Variants in SEC14L5 observed in about 807,000 individuals in gnomAD.
SEC14L5 encodes the protein SEC14 like lipid binding 5.
A neutral mutation model predicts 84.6 loss-of-function variants in SEC14L5; 96 were observed. The ratio of observed to expected loss-of-function variants is 1.13; its 90% CI spans 0.96 to 1.34. The LOEUF (loss-of-function observed/expected upper bound fraction) is 1.34. Among genes scored for constraint, SEC14L5 ranks in the 40% most tolerant of loss-of-function variants. The probability of loss-of-function intolerance (pLI) is 0.00; values close to 1 mark genes in which losing one functional copy is unlikely to be tolerated. For synonymous variants in SEC14L5, 546 were observed against 383.4 expected (o/e 1.42, Z -4.95); for missense variants, 1,224 against 942.5 (o/e 1.30, Z -3.91).
intron 2 of SEC14L5, among the ~76,000 whole-genome samples, chr16:4,972,067 G>T (rs1013020064): frequency 1.3e-5 from 2 of 151,480 alleles, no homozygotes; most frequent in African/African-American, 4.9e-5. Context: ...GTGCAGTGGT[G>T]CAATTATAGC....
intron 7 of SEC14L5, 25 bp from the exon 8 acceptor site, chr16:4,996,830 G>A: frequency 1.3e-6 from 2 of 1,591,492 alleles, no homozygotes; most frequent in Non-Finnish European, 1.7e-6. Context: ...CCGTTCTGTG[G>A]GCTTTTTACT....
intron 6 of SEC14L5, among the ~76,000 whole-genome samples, chr16:4,993,731 A>G (rs774957599): frequency 1.3e-5 from 2 of 152,210 alleles, no homozygotes; most frequent in Non-Finnish European, 2.9e-5. Context: ...GTTTACATGC[A>G]AGTAAAATTT....
At chr16:4,969,456 G>T (rs561233359) in intron 2 of SEC14L5, among the ~76,000 whole-genome samples, 16 of 151,410 alleles carry the variant, frequency 1.1e-4, no homozygotes, top group African/African-American at 3.6e-4. Context: ...GCCATCTCGC[G>T]CATGGCAACC....
intron 8 of SEC14L5, among the ~76,000 whole-genome samples, chr16:4,998,981 C>A (rs1198826345): frequency 1.3e-5 from 2 of 152,156 alleles, no homozygotes; most frequent in African/African-American, 4.8e-5. Context: ...ATTGGAGTCG[C>A]CCATCACGCA....
intron 2 of SEC14L5, among the ~76,000 whole-genome samples, chr16:4,973,877 T>A (rs938312675): frequency 2.6e-5 from 4 of 151,766 alleles, no homozygotes; most frequent in African/African-American, 9.7e-5. Flanking sequence ...AGAGATGGGG[T>A]TTCGCCATGT....
chr16:4,992,649 A>G (rs766475221), intron 6 of SEC14L5, among the ~76,000 whole-genome samples: 12 of 152,224 alleles, frequency 7.9e-5, no homozygotes, highest in Non-Finnish European at 1.8e-4. Context: ...ATTATTATGA[A>G]TTTACTAATT....
intron 2 of SEC14L5, among the ~76,000 whole-genome samples, chr16:4,985,824 T>A (rs141735204): frequency 1.1e-3 from 170 of 151,124 alleles, no homozygotes; most frequent in African/African-American, 3.8e-3. Context: ...AAACACCCTA[T>A]ATTTACATTG....
At chr16:5,009,082 C>A (rs1163112840) in intron 14 of SEC14L5, among the ~76,000 whole-genome samples, 3 of 152,174 alleles carry the variant, frequency 2.0e-5, no homozygotes, top group Non-Finnish European at 4.4e-5. Context: ...GTTGGCAGGG[C>A]CACGCTCCCT....
At chr16:4,970,732 A>G (rs1193449805) in intron 2 of SEC14L5, among the ~76,000 whole-genome samples, 2 of 152,186 alleles carry the variant, frequency 1.3e-5, no homozygotes, top group Non-Finnish European at 2.9e-5. Flanking sequence ...GAGGCCAGTC[A>G]TTCTGAGGGT....
chr16:4,969,135 C>A (rs968559173), intron 2 of SEC14L5, among the ~76,000 whole-genome samples: 4 of 152,276 alleles, frequency 2.6e-5, no homozygotes, highest in African/African-American at 9.6e-5. Context: ...GAATGCTGCT[C>A]TGATTTGCGC....
At chr16:4,977,426 G>A (rs1431484532) in intron 2 of SEC14L5, among the ~76,000 whole-genome samples, 1 of 105,634 alleles carries the variant, frequency 9.5e-6, no homozygotes, top group African/African-American at 3.7e-5. Flanking sequence ...CAGCCTAGGC[G>A]AAAGAGTGAG....
At chr16:4,995,864 G>C (rs952145317) in intron 6 of SEC14L5, among the ~76,000 whole-genome samples, 1 of 152,094 alleles carries the variant, frequency 6.6e-6, no homozygotes, top group East Asian at 1.9e-4. Flanking sequence ...GACTTCAAGT[G>C]ATCTGCCTGC....
chr16:4,963,046 C>G (rs1955146162), intron 2 of SEC14L5, among the ~76,000 whole-genome samples: 1 of 152,134 alleles, frequency 6.6e-6, no homozygotes, highest in South Asian at 2.1e-4. Flanking sequence ...ATCCGAGTGA[C>G]CAGAAAAGCT....
chr16:4,977,893 C>G (rs1235897366), intron 2 of SEC14L5, among the ~76,000 whole-genome samples: 5 of 151,332 alleles, frequency 3.3e-5, no homozygotes, highest in Non-Finnish European at 5.9e-5. Context: ...CTCCTCCTCT[C>G]AGGTTCAAGC....
chr16:5,000,602 A>T, intron 8 of SEC14L5, 53 bp from the exon 9 acceptor site: 1 of 1,386,488 alleles, frequency 7.2e-7, no homozygotes, highest in Non-Finnish European at 1.0e-6. Flanking sequence ...TGCCCCTCGG[A>T]AGCAGTCCTC....
rs1955697700 is a variant in SEC14L5, at chr16:5,003,419, T to C, written c.1148T>C (p.Leu383Pro). 6.2e-7 allele frequency: 1 copy of C among 1,613,186 alleles called. No individual in the cohort carries two copies. Residue 383 changes from leucine (L) to proline (P), a missense_variant, in exon 11 of 16, where the codon CTA (leucine) becomes CCA (proline). Leu to Pro is a moderately conservative substitution (Grantham distance 98, BLOSUM62 -3). Coordinates refer to ENST00000251170, the MANE Select transcript of SEC14L5 (RefSeq NM_014692.2). ...TGCCACAGCTCCTGGACCTGCCTGC[T>C]AGACCTGGAGGGACTCAACATGCGG... The part of the protein sequence containing the change: ...GRPISSWTCL[L>P]DLEGLNMRHL...
chr16:5,010,792 G>C (rs760104954), intron 14 of SEC14L5: 1 of 375,636 alleles, frequency 2.7e-6, no homozygotes, highest in East Asian at 4.1e-5. Context: ...ACTCAGCAGA[G>C]CAAAAGCCCC....
At chr16:4,983,111 T>C (rs563081724) in intron 2 of SEC14L5, among the ~76,000 whole-genome samples, 1 of 152,238 alleles carries the variant, frequency 6.6e-6, no homozygotes, top group East Asian at 1.9e-4. Flanking sequence ...CAAGCGATTC[T>C]CCTGCCTCAG....
intron 2 of SEC14L5, among the ~76,000 whole-genome samples, chr16:4,972,600 C>T (rs1285101186): frequency 6.6e-6 from 1 of 152,230 alleles, no homozygotes; most frequent in East Asian, 1.9e-4. Context: ...GTCCTTTTGT[C>T]TCTGGCTCGT....
Sources: gnomAD v4.1 joint callset for allele counts (sites outside exome capture counted in the v4.1 genomes callset) on GRCh38, gnomAD v4.1.1 for gene constraint, MANE v1.5 for transcripts, NCBI Gene and HGNC (gene_info 2026-07-23, HGNC 2026-07-21) for gene names.